Variants in ATP6V0E1 observed in about 807,000 individuals in gnomAD.
ATP6V0E1 encodes the protein ATPase H+ transporting V0 subunit e1.
Under a neutral mutation model 11.6 loss-of-function variants are expected in ATP6V0E1, and 4 were observed. That is an observed-to-expected ratio of 0.35 (90% CI 0.17 to 0.79). The LOEUF (loss-of-function observed/expected upper bound fraction) is 0.79, where lower values mean the gene tolerates loss of function less well. Among genes scored for constraint, ATP6V0E1 ranks in the 30% least tolerant of loss-of-function variants. ATP6V0E1 has a pLI of 0.54. For missense variants in ATP6V0E1, 105 were observed against 100.0 expected (o/e 1.05, Z -0.21); for synonymous variants, 36 against 34.8 (o/e 1.04, Z -0.13).
chr5:173,032,524 C>T (rs1389055778), intron 3 of ATP6V0E1, among the ~76,000 whole-genome samples: 1 of 152,002 alleles, frequency 6.6e-6, no homozygotes, highest in Non-Finnish European at 1.5e-5. Flanking sequence ...CTCCTGACCT[C>T]AAGTGATCCA....
chr5:172,997,578 G>T (rs1408382018), intron 2 of ATP6V0E1, among the ~76,000 whole-genome samples: 1 of 152,126 alleles, frequency 6.6e-6, no homozygotes, highest in Non-Finnish European at 1.5e-5. Flanking sequence ...GGGAGGCCGA[G>T]GCGGGCGGAT....
At chr5:172,984,170 A>T (rs1182091887) in intron 1 of ATP6V0E1, among the ~76,000 whole-genome samples, 36 of 151,118 alleles carry the variant, frequency 2.4e-4, no homozygotes, top group Non-Finnish European at 1.0e-4. Context: ...GTGGAGGGTG[A>T]CCTTTGGTGG....
chr5:173,022,768 G>T (rs1379544142), intron 3 of ATP6V0E1, among the ~76,000 whole-genome samples: 1 of 152,154 alleles, frequency 6.6e-6, no homozygotes, highest in Non-Finnish European at 1.5e-5. Context: ...GAGTAGCTGG[G>T]ACTACAGGCA....
intron 2 of ATP6V0E1, among the ~76,000 whole-genome samples, chr5:173,003,459 C>T: frequency 6.6e-6 from 1 of 152,098 alleles, no homozygotes; most frequent in East Asian, 1.9e-4. Context: ...ATAGGAGATG[C>T]TTTAAGATTT....
Position 172,983,841 on chromosome 5 carries a change from T to C in ATP6V0E1, c.-20T>C, listed in dbSNP as rs1335922943. ...TCCGAGTGAGGCGACGGGGTAGGGG[T>C]TGGCGCTCAGGCGGCGACCATGGCG... On this transcript the variant is annotated 5_prime_UTR_variant, in exon 1 of 4. Transcript: ENST00000519374. The C allele has an allele frequency of 6.2e-7, 1 of 1,611,344 alleles. No individual in the cohort carries two copies. Among genetic ancestry groups the C allele is most frequent in the Non-Finnish European group, 8.5e-7 (1 of 1,177,950 alleles).
intron 2 of ATP6V0E1, among the ~76,000 whole-genome samples, chr5:173,013,649 A>G (rs1165763405): frequency 2.0e-5 from 3 of 151,914 alleles, no homozygotes; most frequent in Admixed American, 6.6e-5. Context: ...CTGACAGGGG[A>G]CTAAGATCCA....
intron 3 of ATP6V0E1, among the ~76,000 whole-genome samples, chr5:173,029,385 G>A (rs912654634): frequency 2.1e-4 from 32 of 152,072 alleles, no homozygotes; most frequent in African/African-American, 6.0e-4. Context: ...AACCTGTCGC[G>A]TCACTTTTTT....
chr5:173,027,763 A>AT lies in ATP6V0E1; in HGVS notation c.*37-6628dup, dbSNP rs940040475. On this transcript the variant is annotated intron_variant, in intron 3 of 3. Transcript: ENST00000519374. ...GCCAATGTGCCTGGCAATAATACCA[A>AT]TTTTTTTTAACCTGCCTTTTTCATC... 2.0e-5 allele frequency among the ~76,000 whole-genome samples: 3 copies of AT among 151,646 alleles called. 1 individual carries two copies. The highest frequency in any genetic ancestry group is 6.3e-3 in the Middle Eastern group (2 of 316).
At chr5:173,008,160 C>T (rs1220476167) in intron 2 of ATP6V0E1, among the ~76,000 whole-genome samples, 15 of 152,308 alleles carry the variant, frequency 9.8e-5, no homozygotes, top group African/African-American at 3.6e-4. Context: ...AAGTAATTCA[C>T]TTGTTTATCA....
chr5:173,001,571 G>T (rs1041803170), intron 2 of ATP6V0E1, among the ~76,000 whole-genome samples: 1 of 152,106 alleles, frequency 6.6e-6, no homozygotes, highest in Non-Finnish European at 1.5e-5. Flanking sequence ...CTTCCCAGGG[G>T]CCTGGGTGCA....
intron 3 of ATP6V0E1, among the ~76,000 whole-genome samples, chr5:173,023,717 C>A (rs1243024289): frequency 6.6e-6 from 1 of 152,102 alleles, no homozygotes; most frequent in African/African-American, 2.4e-5. Context: ...AGGTGGTGCA[C>A]ACCTGTAGTT....
chr5:172,991,568 A>G (rs1394075776), intron 1 of ATP6V0E1, among the ~76,000 whole-genome samples: 2 of 152,108 alleles, frequency 1.3e-5, no homozygotes, highest in Non-Finnish European at 2.9e-5. Context: ...GCCTTCAGGA[A>G]TGAAGGACTG....
chr5:173,024,991 C>T (rs1310776696), intron 3 of ATP6V0E1, among the ~76,000 whole-genome samples: 16 of 150,324 alleles, frequency 1.1e-4, no homozygotes, highest in South Asian at 2.1e-4. Flanking sequence ...TACAGGTGTG[C>T]GCCACCACGC....
chr5:172,996,356 G>A (rs1756066754), intron 2 of ATP6V0E1, among the ~76,000 whole-genome samples: 1 of 151,876 alleles, frequency 6.6e-6, no homozygotes, highest in South Asian at 2.1e-4. Flanking sequence ...TCAGGATATT[G>A]AGACCAGCCT....
chr5:172,988,411 G>A (rs561454436), intron 1 of ATP6V0E1, among the ~76,000 whole-genome samples: 1 of 152,138 alleles, frequency 6.6e-6, no homozygotes, highest in Non-Finnish European at 1.5e-5. Context: ...TGACCTTGAC[G>A]ATTTAGTTAA....
intron 2 of ATP6V0E1, among the ~76,000 whole-genome samples, chr5:172,997,752 G>T (rs1756088844): frequency 6.6e-6 from 1 of 151,368 alleles, no homozygotes; most frequent in African/African-American, 2.4e-5. Flanking sequence ...GGCGGAGCTT[G>T]CAGTGAGCCG....
intron 1 of ATP6V0E1, among the ~76,000 whole-genome samples, chr5:172,986,184 T>G (rs916666447): frequency 1.3e-5 from 2 of 152,234 alleles, no homozygotes; most frequent in African/African-American, 4.8e-5. Context: ...TATACCATGG[T>G]GGACTTTAGA....
rs570216810 is a variant in ATP6V0E1, at chr5:173,034,444, C to G, written c.*82C>G. 2.1e-5 allele frequency: 15 copies of G among 702,882 alleles called. No homozygotes were observed. Among genetic ancestry groups the G allele is most frequent in the Non-Finnish European group, 3.6e-5 (14 of 384,986 alleles). 43.5% of individuals were successfully genotyped at this position (702,882 alleles called of 1,614,324 possible). A position where few individuals can be genotyped will look rare whatever the true frequency, so the allele number is the denominator to read the frequency against. On this transcript the variant is annotated 3_prime_UTR_variant, in exon 4 of 4. Coordinates refer to ENST00000519374, the MANE Select transcript of ATP6V0E1 (RefSeq NM_003945.4). ...TCTAGATGCAAAATCACCTCCAAAC[C>G]AGACCACTTTTCTTGACTTGCCTGT...
intron 3 of ATP6V0E1, among the ~76,000 whole-genome samples, chr5:173,033,391 C>A (rs1031695694): frequency 6.6e-6 from 1 of 151,988 alleles, no homozygotes; most frequent in Non-Finnish European, 1.5e-5. Context: ...GGTACTGATA[C>A]TTGTACAAAG....
Sources: gnomAD v4.1 joint callset for allele counts (sites outside exome capture counted in the v4.1 genomes callset) on GRCh38, gnomAD v4.1.1 for gene constraint, MANE v1.5 for transcripts, NCBI Gene and HGNC (gene_info 2026-07-23, HGNC 2026-07-21) for gene names.